ST6GALNAC3: variants seen among roughly 807,000 people sequenced by gnomAD.
ST6GALNAC3 encodes alpha-N-acetylgalactosaminide alpha-2,6-sialyltransferase 3.
ST6GALNAC3 carries 25 observed loss-of-function variants against 32.7 expected under a neutral mutation model. The ratio of observed to expected loss-of-function variants is 0.76; its 90% CI spans 0.56 to 1.07. The LOEUF (loss-of-function observed/expected upper bound fraction) is 1.07. Ranked by LOEUF, ST6GALNAC3 falls within the 50% of genes least tolerant of loss-of-function variation. The pLI, the probability that ST6GALNAC3 is intolerant of heterozygous loss-of-function variation, is 0.00. For synonymous variants in ST6GALNAC3, 129 were observed against 133.1 expected, an observed-to-expected ratio of 0.97 and a Z score of 0.21; for missense variants, 355 against 382.4, an observed-to-expected ratio of 0.93 and a Z score of 0.60.
intron 3 of ST6GALNAC3, among the ~76,000 whole-genome samples, chr1:76,569,924 C>A (rs11809249): frequency 0.012 from 1,886 of 152,162 alleles, 39 homozygotes; most frequent in African/African-American, 0.043. Flanking sequence ...TTAAGGAAAT[C>A]AGTTTCTACC....
At chr1:76,231,501 C>T (rs947076118) in intron 1 of ST6GALNAC3, among the ~76,000 whole-genome samples, 1 of 152,088 alleles carries the variant, frequency 6.6e-6, no homozygotes, top group African/African-American at 2.4e-5. Flanking sequence ...TCTGTTTCTC[C>T]CTCCTGCCAT....
chr1:76,266,562 C>T (rs1404006594), intron 1 of ST6GALNAC3, among the ~76,000 whole-genome samples: 2 of 152,166 alleles, frequency 1.3e-5, no homozygotes, highest in African/African-American at 4.8e-5. Flanking sequence ...GTAACATTCT[C>T]TAAAGCCTAG....
chr1:76,618,502 C>G (rs1208105077), intron 3 of ST6GALNAC3, among the ~76,000 whole-genome samples: 1 of 152,126 alleles, frequency 6.6e-6, no homozygotes, highest in Non-Finnish European at 1.5e-5. Context: ...TATAAATGCT[C>G]TAAAAACAAT....
intron 1 of ST6GALNAC3, among the ~76,000 whole-genome samples, chr1:76,293,589 G>A (rs1570719570): frequency 6.6e-6 from 1 of 152,172 alleles, no homozygotes; most frequent in Admixed American, 6.5e-5. Context: ...GTCCTTTCCT[G>A]TTTATCATAG....
intron 3 of ST6GALNAC3, among the ~76,000 whole-genome samples, chr1:76,497,299 C>T (rs1660912865): frequency 6.6e-6 from 1 of 152,118 alleles, no homozygotes; most frequent in Admixed American, 6.6e-5. Flanking sequence ...CCTGCACCTA[C>T]CCCTCTTAGT....
chr1:76,627,406 T>A (rs193025581), intron 3 of ST6GALNAC3, 46 bp from the exon 4 acceptor site: 1 of 1,237,462 alleles, frequency 8.1e-7, no homozygotes, highest in Non-Finnish European at 1.2e-6. Flanking sequence ...GTGTGTGTGT[T>A]CTGTGTTTTG....
intron 3 of ST6GALNAC3, among the ~76,000 whole-genome samples, chr1:76,475,683 G>T (rs1659303781): frequency 6.6e-6 from 1 of 152,068 alleles, no homozygotes; most frequent in African/African-American, 2.4e-5. Context: ...TTGTTTCACA[G>T]AATTTTTAAA....
intron 1 of ST6GALNAC3, among the ~76,000 whole-genome samples, chr1:76,288,854 A>G (rs1659921367): frequency 6.6e-6 from 1 of 152,074 alleles, no homozygotes; most frequent in Non-Finnish European, 1.5e-5. Context: ...AAAGATACCC[A>G]CCGACCCATG....
chr1:76,535,925 G>T (rs1381323536), intron 3 of ST6GALNAC3, among the ~76,000 whole-genome samples: 1 of 151,972 alleles, frequency 6.6e-6, no homozygotes, highest in Non-Finnish European at 1.5e-5. Flanking sequence ...TTTGCTTCAC[G>T]AGCAAAAATA....
rs190488253 is a variant in ST6GALNAC3, at chr1:76,289,320, C to G, written c.19-24485C>G. On this transcript the variant is annotated intron_variant, in intron 1 of 4. Transcript: ENST00000328299. ...GTCATGAGCATAGATGGAAGTCAGA[C>G]TGTCTGGGTTCTGATCCCAGCCCTG... Among the ~76,000 whole-genome samples, 10 of 152,330 alleles carry G rather than the reference C, an allele frequency of 6.6e-5. No individual in the cohort carries two copies. The East Asian group carries it at 1.9e-3, about 29-fold the overall frequency.
chr1:76,552,454 T>G (rs2100370238), intron 3 of ST6GALNAC3, among the ~76,000 whole-genome samples: 1 of 152,272 alleles, frequency 6.6e-6, no homozygotes, highest in African/African-American at 2.4e-5. Flanking sequence ...GATTATCTGT[T>G]CACTCTTTTG....
rs201837394 is a variant in ST6GALNAC3, at chr1:76,149,527, G to GAT, written c.18+74654_18+74655dup. Among the ~76,000 whole-genome samples, 424 of 151,900 alleles carry GAT rather than the reference G, an allele frequency of 2.8e-3. 3 individuals are homozygous for GAT. Among genetic ancestry groups the GAT allele is most frequent in the African/African-American group, 8.7e-3 (361 of 41,438 alleles). On this transcript the variant is annotated intron_variant, in intron 1 of 4. Coordinates refer to ENST00000328299, the MANE Select transcript of ST6GALNAC3 (RefSeq NM_152996.4). ...TAGATGTATTTCTGGTGTACAACAT[G>GAT]ATATATATATATGCATTATGAAATG...
At chr1:76,290,814 G>C (rs1340189980) in intron 1 of ST6GALNAC3, among the ~76,000 whole-genome samples, 1 of 152,172 alleles carries the variant, frequency 6.6e-6, no homozygotes, top group African/African-American at 2.4e-5. Context: ...GTAGATGATG[G>C]ATCAGCTGCT....
chr1:76,100,230 A>G (rs1016310107), intron 1 of ST6GALNAC3, among the ~76,000 whole-genome samples: 2 of 152,044 alleles, frequency 1.3e-5, no homozygotes, highest in African/African-American at 4.8e-5. Flanking sequence ...GTTATCTTTT[A>G]TATCTTTTTT....
At chr1:76,250,064 C>T (rs1022483310) in intron 1 of ST6GALNAC3, among the ~76,000 whole-genome samples, 2 of 152,046 alleles carry the variant, frequency 1.3e-5, no homozygotes, top group African/African-American at 4.8e-5. Context: ...CTTTTCACTT[C>T]CTTGATGGTA....
chr1:76,405,363 A>G (rs1653748893), intron 2 of ST6GALNAC3, among the ~76,000 whole-genome samples: 1 of 152,104 alleles, frequency 6.6e-6, no homozygotes, highest in Admixed American at 6.6e-5. Context: ...ATTGTCTATA[A>G]GCTTATTCAG....
intron 1 of ST6GALNAC3, among the ~76,000 whole-genome samples, chr1:76,285,666 A>G (rs1433131905): frequency 2.0e-5 from 3 of 152,152 alleles, no homozygotes; most frequent in Non-Finnish European, 4.4e-5. Flanking sequence ...GGCAGAAGTG[A>G]CTAGGGCCAA....
intron 1 of ST6GALNAC3, among the ~76,000 whole-genome samples, chr1:76,265,782 G>A (rs910128482): frequency 7.9e-5 from 12 of 152,162 alleles, no homozygotes; most frequent in African/African-American, 2.2e-4. Context: ...GGTCTAGAAC[G>A]TAGTATTTTT....
intron 1 of ST6GALNAC3, among the ~76,000 whole-genome samples, chr1:76,180,709 G>T (rs1653123074): frequency 6.6e-6 from 1 of 152,168 alleles, no homozygotes; most frequent in East Asian, 1.9e-4. Flanking sequence ...GTCAGCAGGA[G>T]TTTGTCTGGA....
Sources: allele counts gnomAD v4.1 joint callset (sites outside exome capture counted in the v4.1 genomes callset), GRCh38; gene constraint gnomAD v4.1.1; transcripts MANE v1.5; gene names NCBI Gene and HGNC (gene_info 2026-07-23, HGNC 2026-07-21).